TMEM63C: variants seen among roughly 807,000 people sequenced by gnomAD.
The protein encoded by TMEM63C is transmembrane protein 63C, also known as osmosensitive cation channel TMEM63C.
Under a neutral mutation model 99.2 loss-of-function variants are expected in TMEM63C, and 32 were observed. That is an observed-to-expected ratio of 0.32 (90% CI 0.24 to 0.43). The LOEUF (loss-of-function observed/expected upper bound fraction) is 0.43. Among genes scored for constraint, TMEM63C ranks in the 20% least tolerant of loss-of-function variants. The pLI is 1.00. For missense variants in TMEM63C, 826 were observed against 1,053.0 expected, an observed-to-expected ratio of 0.78 and a Z score of 2.98; for synonymous variants, 376 against 397.9, an observed-to-expected ratio of 0.94 and a Z score of 0.66.
chr14:77,186,107 G>A (rs1003965990), intron 1 of TMEM63C, among the ~76,000 whole-genome samples: 1 of 152,018 alleles, frequency 6.6e-6, no homozygotes, highest in Non-Finnish European at 1.5e-5. Flanking sequence ...TGCCTCCCAG[G>A]TTCAAGCGAT....
rs560205407 is a variant in TMEM63C at position 77,189,768 on chromosome 14, C to T, written c.-77+7874C>T. On this transcript the variant is annotated intron_variant, in intron 1 of 23. Coordinates refer to ENST00000298351, the MANE Select transcript of TMEM63C (RefSeq NM_020431.4). ...AGGTGACAGCTGGGTGTGAAGGACT[C>T]AGGGAACTGGCAGGTTTCACTGGGG... is the stretch of plus-strand genomic sequence containing the variant. 3.2e-4 allele frequency among the ~76,000 whole-genome samples: 48 copies of T among 152,272 alleles called. No homozygotes were observed. In the South Asian group the frequency reaches 8.9e-3, roughly 28 times the overall value.
Position 77,213,505 on chromosome 14 carries a change from T to G in TMEM63C, c.-17T>G, listed in dbSNP as rs969535679. The G allele has an allele frequency of 1.3e-5, 2 of 152,130 alleles. No homozygotes were observed. The highest frequency in any genetic ancestry group is 2.9e-5 in the Non-Finnish European group (2 of 68,034). The allele number at this position is 152,130 out of a possible 1,614,324, so 9.4% of individuals were successfully genotyped here. Reference sequence around the variant, plus strand: ...CGTGGACCTTCACTGGAGAAGTGACTCAGGTGGGAAAAGTCTCCCCGGGCC... The same window carrying G: ...CGTGGACCTTCACTGGAGAAGTGACGCAGGTGGGAAAAGTCTCCCCGGGCC... On this transcript the variant is annotated 5_prime_UTR_variant, in exon 2 of 24. Transcript: ENST00000298351.
intron 10 of TMEM63C, 138 bp downstream of exon 10, chr14:77,238,905 G>T: frequency 1.5e-6 from 1 of 663,674 alleles, no homozygotes. Flanking sequence ...CTCAGCTCAG[G>T]ATCAGCTTTT....
chr14:77,216,751 C>T lies in TMEM63C; in HGVS notation c.-13-2050C>T, dbSNP rs148002401. On this transcript the variant is annotated intron_variant, in intron 2 of 23. Coordinates refer to ENST00000298351, the MANE Select transcript of TMEM63C (RefSeq NM_020431.4). ...TCAGAATATTTCCAAAATCTGAGCACGTCTCTCACCTCCACTGCGCCCATC... is the reference window on the plus strand; with the variant it reads ...TCAGAATATTTCCAAAATCTGAGCATGTCTCTCACCTCCACTGCGCCCATC... Among the ~76,000 whole-genome samples the T allele has an allele frequency of 3.7e-3, 562 of 152,278 alleles. 5 individuals carry two copies. The Middle Eastern group carries it at 0.048, about 13-fold the overall frequency.
intron 1 of TMEM63C, among the ~76,000 whole-genome samples, chr14:77,194,561 T>TTCTG (rs1888182854): frequency 2.0e-5 from 3 of 148,972 alleles, no homozygotes; most frequent in Non-Finnish European, 4.4e-5. Context: ...TTCTCTTTCT[T>TTCTG]TCTTTCTGTC....
rs1889149091 is a variant in TMEM63C, at chr14:77,240,535, G to A, written c.991G>A (p.Glu331Lys). 3.1e-6 allele frequency: 5 copies of A among 1,611,848 alleles called. No individual in the cohort carries two copies. Among genetic ancestry groups the A allele is most frequent in the African/African-American group, 1.3e-5 (1 of 74,932 alleles). The change falls in exon 13 of 24, where the codon GAG becomes AAG. Residue 331 changes from glutamate (E) to lysine (K), a missense_variant. Physicochemically the swap from Glu to Lys is moderately conservative, Grantham distance 56 (BLOSUM62 1). Coordinates refer to ENST00000298351, the MANE Select transcript of TMEM63C (RefSeq NM_020431.4). ...EEQLTDEFNAELNRVPLKRLD... is the reference protein window; with the variant it reads ...EEQLTDEFNAKLNRVPLKRLD... ...GCAGCTAACGGACGAGTTCAACGCC[G>A]AGCTCAACCGCGTGCCGCTCAAGCG... is the stretch of plus-strand genomic sequence containing the variant.
Position 77,233,461 on chromosome 14 carries a change from G to T in TMEM63C, c.503G>T (p.Ser168Ile). 6.2e-7 allele frequency: 1 copy of T among 1,613,566 alleles called. No individual in the cohort carries two copies. The highest frequency in any genetic ancestry group is 8.5e-7 in the Non-Finnish European group (1 of 1,179,790). The part of the protein sequence containing the change: ...NYTGSVLDWS[S>I]HFARTTIVNV... ...CTTCTTTCTCTTTCAGACTGGAGCA[G>T]TCACTTTGCTCGGACCACCATTGTC... The change falls in exon 8 of 24, where the codon AGT becomes ATT. Residue 168 changes from serine to isoleucine, a missense_variant. Physicochemically the swap from Ser to Ile is moderately radical, Grantham distance 142. Transcript: ENST00000298351.
chr14:77,225,373 A>T (rs1428511771), intron 5 of TMEM63C, 51 bp from the exon 6 acceptor site: 11 of 1,593,678 alleles, frequency 6.9e-6, no homozygotes, highest in Non-Finnish European at 8.6e-6. Context: ...AGAGCTGGGC[A>T]GGGCAGGCCA....
At chr14:77,200,341 C>A (rs1411050002) in intron 1 of TMEM63C, among the ~76,000 whole-genome samples, 1 of 152,188 alleles carries the variant, frequency 6.6e-6, no homozygotes, top group Non-Finnish European at 1.5e-5. Context: ...GGAGGTTGTG[C>A]CAGCCACCAC....
chr14:77,252,792 C>G (rs1213870241), intron 22 of TMEM63C, among the ~76,000 whole-genome samples: 2 of 152,200 alleles, frequency 1.3e-5, no homozygotes, highest in Non-Finnish European at 2.9e-5. Context: ...CCTCTCCGCC[C>G]AGCCTTCCTT....
chr14:77,198,172 C>A (rs962175123), intron 1 of TMEM63C, among the ~76,000 whole-genome samples: 1 of 152,252 alleles, frequency 6.6e-6, no homozygotes, highest in Admixed American at 6.5e-5. Context: ...GCAGACGTGA[C>A]GTCATGGTCC....
chr14:77,252,886 G>A (rs753975833), intron 22 of TMEM63C, among the ~76,000 whole-genome samples: 73 of 152,228 alleles, frequency 4.8e-4, no homozygotes, highest in Non-Finnish European at 4.4e-4. Flanking sequence ...AGCATTATGT[G>A]ATTGGGTTGG....
chr14:77,197,057 T>C (rs900770920), intron 1 of TMEM63C, among the ~76,000 whole-genome samples: 9 of 152,240 alleles, frequency 5.9e-5, no homozygotes, highest in Admixed American at 5.2e-4. Context: ...TCTTCCCTAT[T>C]TAAGTAAGTA....
chr14:77,194,004 CAAAT>C (rs1351399268), intron 1 of TMEM63C, among the ~76,000 whole-genome samples: 2 of 151,970 alleles, frequency 1.3e-5, no homozygotes, highest in African/African-American at 4.8e-5. Context: ...TGTCTCAAAA[CAAAT>C]AAACAAGAAA....
chr14:77,228,846 A>T (rs941906532), intron 6 of TMEM63C, among the ~76,000 whole-genome samples: 13 of 152,074 alleles, frequency 8.5e-5, no homozygotes, highest in African/African-American at 2.4e-4. Flanking sequence ...CTTAAAAATA[A>T]ATCTGAATCC....
At chr14:77,255,324 C>A (rs1023113821) in intron 23 of TMEM63C, among the ~76,000 whole-genome samples, 10 of 152,164 alleles carry the variant, frequency 6.6e-5, no homozygotes, top group Non-Finnish European at 1.2e-4. Flanking sequence ...AATCTTTTTC[C>A]ATATATATAA....
chr14:77,229,131 T>A (rs866195146), intron 6 of TMEM63C, among the ~76,000 whole-genome samples: 1 of 152,106 alleles, frequency 6.6e-6, no homozygotes, highest in Non-Finnish European at 1.5e-5. Flanking sequence ...AGGTTGGGCA[T>A]GGTGGCTCAC....
At position 77,244,363 on chromosome 14, in the gene TMEM63C, C is replaced by T. The variant is rs1566630364; in HGVS notation, c.1356C>T (p.Thr452=). 3 of 1,613,794 alleles carry T rather than the reference C, an allele frequency of 1.9e-6. No homozygotes were observed. Among genetic ancestry groups the T allele is most frequent in the South Asian group, 2.2e-5 (2 of 91,084 alleles). ...PIEKLQNPIV[T]QFFPSVMLWG... is the part of the protein sequence containing the mutation. ...TCCCCCTGCAGAACCCAATTGTGACCCAGTTCTTCCCCTCTGTGATGCTCT... is the reference window on the plus strand; with the variant it reads ...TCCCCCTGCAGAACCCAATTGTGACTCAGTTCTTCCCCTCTGTGATGCTCT... Residue 452 remains threonine (T), a synonymous_variant, in exon 16 of 24, where the codon ACC becomes ACT. Transcript: ENST00000298351.
chr14:77,224,952 G>A (rs1003115258), intron 5 of TMEM63C, among the ~76,000 whole-genome samples: 1 of 152,124 alleles, frequency 6.6e-6, no homozygotes, highest in Non-Finnish European at 1.5e-5. Context: ...ACAAGTGTGA[G>A]CCACCATGCC....
Sources: allele counts gnomAD v4.1 joint callset (sites outside exome capture counted in the v4.1 genomes callset), GRCh38; gene constraint gnomAD v4.1.1; transcripts MANE v1.5; gene names NCBI Gene and HGNC (gene_info 2026-07-23, HGNC 2026-07-21).